EXOC6B: variants seen among roughly 807,000 people sequenced by gnomAD.
EXOC6B encodes SEC15 homolog B.
EXOC6B carries 54 observed loss-of-function variants against 113.5 expected under a neutral mutation model. That is an observed-to-expected ratio of 0.48 (90% CI 0.38 to 0.60). The LOEUF is 0.60. EXOC6B is among the 20% of genes least tolerant of loss of function. EXOC6B has a pLI of 0.00. For synonymous variants in EXOC6B, 357 were observed against 339.0 expected, an observed-to-expected ratio of 1.05 and a Z score of -0.58; for missense variants, 797 against 977.5, an observed-to-expected ratio of 0.82 and a Z score of 2.46.
At chr2:72,197,743 AT>A (rs1247288204) in intron 20 of EXOC6B, among the ~76,000 whole-genome samples, 1 of 152,178 alleles carries the variant, frequency 6.6e-6, no homozygotes, top group African/African-American at 2.4e-5. Context: ...CTAAAATGTG[AT>A]CACAAGGCAG....
intron 20 of EXOC6B, among the ~76,000 whole-genome samples, chr2:72,317,388 A>G (rs899222191): frequency 4.6e-5 from 7 of 152,080 alleles, no homozygotes; most frequent in Non-Finnish European, 1.0e-4. Context: ...CAAGCAGGCA[A>G]TGAAAAAAGA....
In EXOC6B at chr2:72,530,991, G is replaced by A. The variant is rs190111644; in HGVS notation, c.916-15865C>T. On this transcript the variant is annotated intron_variant, in intron 8 of 21. Coordinates refer to ENST00000272427, the MANE Select transcript of EXOC6B (RefSeq NM_015189.3). Reference sequence around the variant, plus strand: ...TTATACTTAAAGTGATTTTTCTATAGACAATATGTCTTAATCCATTTTATC... The same window carrying A: ...TTATACTTAAAGTGATTTTTCTATAAACAATATGTCTTAATCCATTTTATC... Among the ~76,000 whole-genome samples, 892 of 151,532 alleles carry A rather than the reference G, an allele frequency of 5.9e-3. 12 individuals carry two copies. Among genetic ancestry groups the A allele is most frequent in the African/African-American group, 0.021 (861 of 41,156 alleles).
intron 2 of EXOC6B, among the ~76,000 whole-genome samples, chr2:72,736,878 G>A (rs2104796892): frequency 6.6e-6 from 1 of 152,144 alleles, no homozygotes; most frequent in Middle Eastern, 3.4e-3. Context: ...TATAGAAGAT[G>A]GGATGGCTAG....
At chr2:72,475,089 G>C (rs184575044) in intron 17 of EXOC6B, among the ~76,000 whole-genome samples, 3 of 152,106 alleles carry the variant, frequency 2.0e-5, no homozygotes, top group South Asian at 4.2e-4. Context: ...GGTTTTGCTG[G>C]GGACTGTAAC....
chr2:72,783,159 T>C (rs1250461813), intron 1 of EXOC6B, among the ~76,000 whole-genome samples: 1 of 150,948 alleles, frequency 6.6e-6, no homozygotes, highest in African/African-American at 2.4e-5. Context: ...CTTTACTCCA[T>C]ACCCTTTCCA....
At chr2:72,602,429 T>C (rs1670491189) in intron 6 of EXOC6B, among the ~76,000 whole-genome samples, 2 of 152,160 alleles carry the variant, frequency 1.3e-5, no homozygotes, top group South Asian at 2.1e-4. Flanking sequence ...ATGAACATAG[T>C]GATTAATGGT....
At chr2:72,555,077 A>T (rs1030265583) in intron 8 of EXOC6B, among the ~76,000 whole-genome samples, 2 of 152,220 alleles carry the variant, frequency 1.3e-5, no homozygotes, top group African/African-American at 2.4e-5. Flanking sequence ...CCTGCAAAGG[A>T]CATGAACTCA....
At chr2:72,538,233 G>A (rs753040359) in intron 8 of EXOC6B, among the ~76,000 whole-genome samples, 2 of 152,208 alleles carry the variant, frequency 1.3e-5, no homozygotes, top group Middle Eastern at 3.4e-3. Flanking sequence ...AAAGTGCTGG[G>A]ATTACAAGTG....
intron 20 of EXOC6B, among the ~76,000 whole-genome samples, chr2:72,333,829 C>T (rs1203518708): frequency 6.6e-6 from 1 of 152,084 alleles, no homozygotes; most frequent in East Asian, 1.9e-4. Flanking sequence ...CATCAGATGA[C>T]AGATTACACC....
chr2:72,290,461 T>C (rs1685711763), intron 20 of EXOC6B, among the ~76,000 whole-genome samples: 1 of 152,152 alleles, frequency 6.6e-6, no homozygotes, highest in Non-Finnish European at 1.5e-5. Flanking sequence ...GTCTCAAAGA[T>C]GATCTTCAAC....
At chr2:72,391,010 C>T (rs983077547) in intron 18 of EXOC6B, among the ~76,000 whole-genome samples, 4 of 152,198 alleles carry the variant, frequency 2.6e-5, no homozygotes, top group Non-Finnish European at 4.4e-5. Flanking sequence ...TCAGTTATTT[C>T]GTCCCCAAAC....
intron 20 of EXOC6B, among the ~76,000 whole-genome samples, chr2:72,190,373 T>C (rs748208715): frequency 1.3e-5 from 2 of 152,196 alleles, no homozygotes; most frequent in Non-Finnish European, 2.9e-5. Context: ...CTTCTATAAT[T>C]CAGCTATGTT....
intron 20 of EXOC6B, among the ~76,000 whole-genome samples, chr2:72,267,506 G>C (rs1012514029): frequency 8.5e-5 from 13 of 152,136 alleles, no homozygotes; most frequent in Admixed American, 6.5e-4. Context: ...TGCATCTATT[G>C]AGATAATCAT....
intron 8 of EXOC6B, among the ~76,000 whole-genome samples, chr2:72,541,034 T>C (rs1271613104): frequency 6.6e-6 from 1 of 152,206 alleles, no homozygotes; most frequent in Non-Finnish European, 1.5e-5. Flanking sequence ...TCAACTTGAA[T>C]TGTATCTTCC....
At chr2:72,710,110 G>A (rs1236122803) in intron 6 of EXOC6B, among the ~76,000 whole-genome samples, 1 of 151,988 alleles carries the variant, frequency 6.6e-6, no homozygotes, top group Non-Finnish European at 1.5e-5. Context: ...TTCACCAGGT[G>A]TGAGCCACCG....
At chr2:72,452,660 ATGTT>A (rs1289564141) in intron 18 of EXOC6B, among the ~76,000 whole-genome samples, 3 of 152,222 alleles carry the variant, frequency 2.0e-5, no homozygotes, top group Admixed American at 2.0e-4. Context: ...TAAGCATAGT[ATGTT>A]TGGGAATGAT....
At chr2:72,672,505 C>T (rs1329006122) in intron 6 of EXOC6B, among the ~76,000 whole-genome samples, 3 of 147,824 alleles carry the variant, frequency 2.0e-5, no homozygotes, top group African/African-American at 7.5e-5. Flanking sequence ...CGAGATCGCG[C>T]CACTGCACTC....
At chr2:72,750,496 G>A (rs1681973589) in intron 1 of EXOC6B, among the ~76,000 whole-genome samples, 1 of 152,076 alleles carries the variant, frequency 6.6e-6, no homozygotes, top group Non-Finnish European at 1.5e-5. Flanking sequence ...ACAAGATGGG[G>A]AGTCAAATCA....
chr2:72,501,717 AC>A (rs1169764309), intron 11 of EXOC6B, among the ~76,000 whole-genome samples: 12 of 150,730 alleles, frequency 8.0e-5, no homozygotes, highest in Non-Finnish European at 1.2e-4. Flanking sequence ...CATTAAAAAA[AC>A]AACAACAACC....
Sources: gnomAD v4.1 joint callset for allele counts (sites outside exome capture counted in the v4.1 genomes callset) on GRCh38, gnomAD v4.1.1 for gene constraint, MANE v1.5 for transcripts, NCBI Gene and HGNC (gene_info 2026-07-23, HGNC 2026-07-21) for gene names.